WDR70: variants seen among roughly 807,000 people sequenced by gnomAD.
WDR70 encodes WD repeat domain 70.
Under a neutral mutation model 88.6 loss-of-function variants are expected in WDR70, and 53 were observed. The observed-to-expected ratio is 0.60, with a 90% confidence interval of 0.48 to 0.75. The LOEUF (loss-of-function observed/expected upper bound fraction) is 0.75, where lower values mean the gene tolerates loss of function less well. Among genes scored for constraint, WDR70 ranks in the 30% least tolerant of loss-of-function variants. The pLI is 0.00. For missense variants in WDR70, 610 were observed against 823.2 expected, an observed-to-expected ratio of 0.74 and a Z score of 3.17; for synonymous variants, 280 against 270.0, an observed-to-expected ratio of 1.04 and a Z score of -0.36.
In WDR70 at chr5:37,706,439, G is replaced by A. The variant is rs1175337050; in HGVS notation, c.1416+3352G>A. Reference sequence around the variant, plus strand: ...CCTCATATGTTGTGGGAAGGACCTGGTGGGATGTATTTGAATCATGGGGGC... The same window carrying A: ...CCTCATATGTTGTGGGAAGGACCTGATGGGATGTATTTGAATCATGGGGGC... On this transcript the variant is annotated intron_variant, in intron 13 of 17. Transcript: ENST00000265107. Among the ~76,000 whole-genome samples, 3 of 152,262 alleles carry A rather than the reference G, an allele frequency of 2.0e-5. 1 individual carries two copies. The highest frequency in any genetic ancestry group is 7.2e-5 in the African/African-American group (3 of 41,552).
chr5:37,448,564 T>C (rs556654667), intron 7 of WDR70, among the ~76,000 whole-genome samples: 1 of 152,340 alleles, frequency 6.6e-6, no homozygotes, highest in Admixed American at 6.5e-5. Flanking sequence ...TAGTAAACTT[T>C]TAAATTTCAG....
chr5:37,579,596 A>T (rs1281530402), intron 9 of WDR70, among the ~76,000 whole-genome samples: 4 of 151,740 alleles, frequency 2.6e-5, no homozygotes, highest in African/African-American at 9.7e-5. Context: ...AAAAAAAAAA[A>T]AAAAAAAAAA....
intron 3 of WDR70, among the ~76,000 whole-genome samples, chr5:37,388,278 G>A (rs1411505853): frequency 2.0e-5 from 3 of 151,582 alleles, no homozygotes; most frequent in East Asian, 2.0e-4. Flanking sequence ...CACCATGCCC[G>A]GCTAATTTTT....
At chr5:37,656,076 T>A (rs1188075961) in intron 10 of WDR70, among the ~76,000 whole-genome samples, 8 of 151,938 alleles carry the variant, frequency 5.3e-5, no homozygotes, top group Non-Finnish European at 8.8e-5. Context: ...TCTGTGAGGA[T>A]TTATCTACCT....
intron 7 of WDR70, 59 bp from the exon 8 acceptor site, chr5:37,479,775 A>G (rs1370663023): frequency 2.6e-6 from 4 of 1,517,268 alleles, no homozygotes; most frequent in Non-Finnish European, 3.6e-6. Flanking sequence ...TACTTAATGT[A>G]GTAAAATTAT....
chr5:37,538,624 C>G (rs1287216458), intron 9 of WDR70, among the ~76,000 whole-genome samples: 1 of 152,146 alleles, frequency 6.6e-6, no homozygotes, highest in African/African-American at 2.4e-5. Context: ...GTTGGAGATG[C>G]TAGTGCCTTA....
intron 10 of WDR70, among the ~76,000 whole-genome samples, chr5:37,634,571 A>G (rs1425177613): frequency 1.3e-5 from 2 of 152,170 alleles, no homozygotes; most frequent in Non-Finnish European, 2.9e-5. Context: ...TTCTATAAGG[A>G]AGACAGATTG....
chr5:37,681,966 C>T (rs1263564952), intron 10 of WDR70, among the ~76,000 whole-genome samples: 1 of 152,148 alleles, frequency 6.6e-6, no homozygotes, highest in Admixed American at 6.6e-5. Flanking sequence ...GGAAGAGTCC[C>T]TCCTCCTCAA....
intron 10 of WDR70, among the ~76,000 whole-genome samples, chr5:37,631,284 T>C (rs1013731620): frequency 1.3e-5 from 2 of 152,172 alleles, no homozygotes; most frequent in Non-Finnish European, 2.9e-5. Flanking sequence ...TTCATAGTCT[T>C]GTAAATATGT....
intron 9 of WDR70, among the ~76,000 whole-genome samples, chr5:37,558,481 T>G (rs1419527261): frequency 6.6e-6 from 1 of 151,718 alleles, no homozygotes; most frequent in Non-Finnish European, 1.5e-5. Flanking sequence ...ACCTTCCTGG[T>G]TAATTAAAAA....
At position 37,751,531 on chromosome 5, in the gene WDR70, A is replaced by G. The variant is rs1258890964; in HGVS notation, c.1878-955A>G. Among the ~76,000 whole-genome samples the G allele has an allele frequency of 2.0e-5, 3 of 152,246 alleles. No individual in the cohort carries two copies. In the East Asian group the frequency reaches 5.8e-4, roughly 29 times the overall value. On this transcript the variant is annotated intron_variant, in intron 17 of 17. Coordinates refer to ENST00000265107, the MANE Select transcript of WDR70 (RefSeq NM_018034.4). ...TCCCCAGGATAATAAAAAAGCAGCA[A>G]GAGGGAATATAAAGTTTATCCTGGT...
At chr5:37,485,858 A>ATTTTTTTATTT (rs1739848902) in intron 8 of WDR70, among the ~76,000 whole-genome samples, 1 of 108,290 alleles carries the variant, frequency 9.2e-6, no homozygotes, top group Non-Finnish European at 1.8e-5. Flanking sequence ...TGCCTGGCTA[A>ATTTTTTTATTT]TTTTTTTTTT....
At chr5:37,453,168 A>C (rs1738726420) in intron 7 of WDR70, among the ~76,000 whole-genome samples, 1 of 152,188 alleles carries the variant, frequency 6.6e-6, no homozygotes, top group Admixed American at 6.6e-5. Flanking sequence ...TTTCTTGCCG[A>C]GACCAGCTCT....
intron 7 of WDR70, among the ~76,000 whole-genome samples, chr5:37,467,724 A>G (rs1280429449): frequency 6.7e-6 from 1 of 149,790 alleles, no homozygotes; most frequent in Non-Finnish European, 1.5e-5. Context: ...ATTTTATTTT[A>G]TTTTATTTTT....
At chr5:37,438,890 TCTTTGGA>T (rs1750565153) in intron 6 of WDR70, among the ~76,000 whole-genome samples, 1 of 147,324 alleles carries the variant, frequency 6.8e-6, no homozygotes, top group Non-Finnish European at 1.5e-5. Flanking sequence ...AAACAAAACC[TCTTTGGA>T]GTCCTCATTC....
At chr5:37,590,991 A>T (rs7718557) in intron 9 of WDR70, among the ~76,000 whole-genome samples, 70,578 of 152,030 alleles carry the variant, frequency 0.46, 18,004 homozygotes, top group Non-Finnish European at 0.58. Context: ...AAAGAAAAAT[A>T]ACCAATTTGA....
rs1462197736 is a variant in WDR70 at position 37,578,344 on chromosome 5, C to T, written c.918-26720C>T. On this transcript the variant is annotated intron_variant, in intron 9 of 17. Coordinates refer to ENST00000265107, the MANE Select transcript of WDR70 (RefSeq NM_018034.4). Reference sequence around the variant, plus strand: ...GGAATTTTTCTTTGCCTTTTTTGGACTCTGTACTAGGGCATTGCCATTTTA... The same window carrying T: ...GGAATTTTTCTTTGCCTTTTTTGGATTCTGTACTAGGGCATTGCCATTTTA... Among the ~76,000 whole-genome samples the T allele has an allele frequency of 4.6e-5, 7 of 151,986 alleles. No homozygotes were observed. The South Asian group carries it at 6.2e-4, about 14-fold the overall frequency.
intron 7 of WDR70, among the ~76,000 whole-genome samples, chr5:37,446,191 TG>T (rs1479202244): frequency 1.3e-5 from 2 of 152,132 alleles, no homozygotes; most frequent in East Asian, 3.9e-4. Flanking sequence ...CATTCACAAT[TG>T]CTTCAAAGAG....
intron 10 of WDR70, among the ~76,000 whole-genome samples, chr5:37,648,287 T>C (rs1745296730): frequency 6.6e-6 from 1 of 152,158 alleles, no homozygotes; most frequent in Admixed American, 6.5e-5. Flanking sequence ...CAGAGATTTT[T>C]ACCTGTTTTG....
Sources: allele counts gnomAD v4.1 joint callset (sites outside exome capture counted in the v4.1 genomes callset), GRCh38; gene constraint gnomAD v4.1.1; transcripts MANE v1.5; gene names NCBI Gene and HGNC (gene_info 2026-07-23, HGNC 2026-07-21).